SEMA3E: variants seen among roughly 807,000 people sequenced by gnomAD.
SEMA3E encodes the protein semaphorin-3E.
SEMA3E carries 49 observed loss-of-function variants against 93.6 expected under a neutral mutation model. The ratio of observed to expected loss-of-function variants is 0.52; its 90% CI spans 0.42 to 0.66. The LOEUF (loss-of-function observed/expected upper bound fraction) is 0.66, where lower values mean the gene tolerates loss of function less well. Among genes scored for constraint, SEMA3E ranks in the 30% least tolerant of loss-of-function variants. The pLI is 0.00. For missense variants in SEMA3E, 906 were observed against 964.8 expected (o/e 0.94, Z 0.81); for synonymous variants, 363 against 330.7 (o/e 1.10, Z -1.06).
intron 1 of SEMA3E, among the ~76,000 whole-genome samples, chr7:83,498,981 T>C (rs1300336606): frequency 6.6e-6 from 1 of 152,218 alleles, no homozygotes; most frequent in Non-Finnish European, 1.5e-5. Context: ...TAAATCTTTA[T>C]TAATTCTCAA....
chr7:83,379,587 CTTT>C (rs1787738645), intron 16 of SEMA3E, among the ~76,000 whole-genome samples: 1 of 151,742 alleles, frequency 6.6e-6, no homozygotes, highest in Non-Finnish European at 1.5e-5. Flanking sequence ...TTTCCCCTTG[CTTT>C]TGGAGTTAGT....
chr7:83,397,287 A>G (rs1788140501), intron 11 of SEMA3E, among the ~76,000 whole-genome samples: 1 of 152,148 alleles, frequency 6.6e-6, no homozygotes, highest in South Asian at 2.1e-4. Context: ...CCAATCATAG[A>G]TTCAAAAATC....
rs1450309274 is a variant in SEMA3E at position 83,506,033 on chromosome 7, ATAT to A, written c.116-15762_116-15760del. On this transcript the variant is annotated intron_variant, in intron 1 of 16. Transcript: ENST00000643230. ...CCGTCTCCAAAAAAAAAAAAAAAAA[ATAT>A]ATATATATATATATATATTTGCTCA... is the stretch of plus-strand genomic sequence containing the variant. Among the ~76,000 whole-genome samples, 327 of 93,212 alleles carry A rather than the reference ATAT, an allele frequency of 3.5e-3. 4 individuals are homozygous for A. Among genetic ancestry groups the A allele is most frequent in the African/African-American group, 0.01 (251 of 24,006 alleles). The allele number at this position is 93,212 out of a possible 152,430, so 61.2% of individuals were successfully genotyped here. A position where few individuals can be genotyped will look rare whatever the true frequency, so the allele number is the denominator to read the frequency against.
Position 83,546,864 on chromosome 7 carries a change from G to A in SEMA3E, c.116-56590C>T, listed in dbSNP as rs952218374. On this transcript the variant is annotated intron_variant, in intron 1 of 16. Transcript: ENST00000643230. ...GCAGAGCAAACTGGTTGAAGTAAAT[G>A]TTACCAAATCCTACATCAAAATTTT... 2.4e-4 allele frequency among the ~76,000 whole-genome samples: 37 copies of A among 152,060 alleles called. 2 individuals are homozygous for A. Among genetic ancestry groups the A allele is most frequent in the Non-Finnish European group, 1.5e-5 (1 of 68,014 alleles).
At chr7:83,641,103 A>G (rs762993169) in intron 1 of SEMA3E, among the ~76,000 whole-genome samples, 1 of 152,226 alleles carries the variant, frequency 6.6e-6, no homozygotes, top group Non-Finnish European at 1.5e-5. Flanking sequence ...GAAGGTGAAT[A>G]GACAGAAAGC....
At chr7:83,492,113 T>C (rs956001082) in intron 1 of SEMA3E, among the ~76,000 whole-genome samples, 3 of 152,052 alleles carry the variant, frequency 2.0e-5, no homozygotes, top group Non-Finnish European at 4.4e-5. Context: ...AATCTGAATG[T>C]GTACAACTGA....
chr7:83,624,047 C>T (rs1793620244), intron 1 of SEMA3E, among the ~76,000 whole-genome samples: 1 of 152,194 alleles, frequency 6.6e-6, no homozygotes, highest in Non-Finnish European at 1.5e-5. Flanking sequence ...CTGCAAAGGG[C>T]ATGAACTCAT....
At chr7:83,470,709 T>C (rs1466620021) in intron 2 of SEMA3E, among the ~76,000 whole-genome samples, 2 of 152,172 alleles carry the variant, frequency 1.3e-5, no homozygotes, top group East Asian at 3.8e-4. Context: ...ATATTTCTAA[T>C]TTATGTAAAT....
chr7:83,474,696 A>G (rs1468730941), intron 2 of SEMA3E, among the ~76,000 whole-genome samples: 2 of 152,234 alleles, frequency 1.3e-5, no homozygotes, highest in African/African-American at 4.8e-5. Context: ...GAAAGATATC[A>G]GTCAATATCT....
At chr7:83,452,400 T>C (rs958723410) in intron 4 of SEMA3E, among the ~76,000 whole-genome samples, 5 of 152,136 alleles carry the variant, frequency 3.3e-5, no homozygotes, top group African/African-American at 1.2e-4. Context: ...AGAGTTCTGG[T>C]TCAACATATG....
chr7:83,374,177 G>A (rs1257368277), intron 16 of SEMA3E, among the ~76,000 whole-genome samples: 1 of 129,894 alleles, frequency 7.7e-6, no homozygotes, highest in African/African-American at 3.0e-5. Flanking sequence ...TTGCACTCCA[G>A]CCTGGGTTAC....
intron 1 of SEMA3E, among the ~76,000 whole-genome samples, chr7:83,641,623 G>A (rs1794012031): frequency 6.6e-6 from 1 of 152,136 alleles, no homozygotes; most frequent in African/African-American, 2.4e-5. Flanking sequence ...TTACAAACAT[G>A]AGAGACATCA....
intron 1 of SEMA3E, among the ~76,000 whole-genome samples, chr7:83,625,830 C>A (rs1793658854): frequency 1.3e-5 from 2 of 151,934 alleles, no homozygotes; most frequent in South Asian, 4.2e-4. Context: ...CATGATGATA[C>A]TGGCTGTGGG....
chr7:83,406,123 A>G, intron 7 of SEMA3E, 64 bp from the exon 8 acceptor site: 1 of 1,135,692 alleles, frequency 8.8e-7, no homozygotes, highest in Non-Finnish European at 1.3e-6. Flanking sequence ...CAGATTTCAT[A>G]TTATTAAACA....
intron 1 of SEMA3E, among the ~76,000 whole-genome samples, chr7:83,523,661 C>G (rs562141781): frequency 6.6e-6 from 1 of 152,024 alleles, no homozygotes; most frequent in Non-Finnish European, 1.5e-5. Flanking sequence ...ATCACCCTGT[C>G]TCCTTGGTGG....
intron 2 of SEMA3E, 65 bp from the exon 3 acceptor site, chr7:83,469,367 T>C (rs1464274728): frequency 1.1e-5 from 13 of 1,148,228 alleles, no homozygotes; most frequent in Non-Finnish European, 1.4e-5. Flanking sequence ...CTGAAAACCA[T>C]TTCACTTTCT....
chr7:83,620,762 G>A (rs1031393781), intron 1 of SEMA3E, among the ~76,000 whole-genome samples: 2 of 152,030 alleles, frequency 1.3e-5, no homozygotes, highest in Admixed American at 6.6e-5. Flanking sequence ...TTTCTCAATA[G>A]ACACAGAAAA....
chr7:83,556,078 A>G (rs2115819107), intron 1 of SEMA3E, among the ~76,000 whole-genome samples: 1 of 152,278 alleles, frequency 6.6e-6, no homozygotes, highest in Middle Eastern at 3.4e-3. Context: ...AATGTTCATA[A>G]ACATTTATAT....
intron 1 of SEMA3E, among the ~76,000 whole-genome samples, chr7:83,496,129 T>C (rs1790486744): frequency 6.6e-6 from 1 of 151,958 alleles, no homozygotes; most frequent in African/African-American, 2.4e-5. Context: ...ATTTTCTGTA[T>C]GCAAAAAGAG....
Sources: allele counts gnomAD v4.1 joint callset (sites outside exome capture counted in the v4.1 genomes callset), GRCh38; gene constraint gnomAD v4.1.1; transcripts MANE v1.5; gene names NCBI Gene and HGNC (gene_info 2026-07-23, HGNC 2026-07-21).